Variants in PIR observed in about 807,000 individuals in gnomAD.
PIR encodes pirin.
PIR carries 22 observed loss-of-function variants against 24.2 expected under a neutral mutation model. That is an observed-to-expected ratio of 0.91 (90% confidence interval 0.65 to 1.30). PIR has a LOEUF of 1.30. Among genes scored for constraint, PIR ranks in the 50% most tolerant of loss-of-function variants. The pLI is 0.00. For missense variants in PIR, 220 were observed against 220.3 expected (o/e 1.00, Z 0.01); for synonymous variants, 80 against 79.6 (o/e 1.00, Z -0.03).
At chrX:15,490,598 T>C (rs931508463) in intron 2 of PIR, among the ~76,000 whole-genome samples, 14 of 112,004 alleles carry the variant, frequency 1.2e-4, no homozygotes, top group African/African-American at 4.6e-4. Flanking sequence ...GAAAGACATC[T>C]ACCTAATCTA....
At chrX:15,398,158 A>G (rs183087570) in intron 7 of PIR, among the ~76,000 whole-genome samples, 597 of 111,051 alleles carry the variant, frequency 5.4e-3, no homozygotes, top group South Asian at 0.014. Flanking sequence ...ATGATGAGTT[A>G]ATCGGTGCAG....
At chrX:15,418,765 T>C (rs923123156) in intron 6 of PIR, among the ~76,000 whole-genome samples, 2 of 112,229 alleles carry the variant, frequency 1.8e-5, no homozygotes, top group Non-Finnish European at 1.9e-5. Flanking sequence ...AGAAACGTTT[T>C]CAGTCTCCCT....
At chrX:15,456,109 T>C in intron 4 of PIR, 55 bp from the exon 5 acceptor site, 2 of 994,532 alleles carry the variant, frequency 2.0e-6, no homozygotes, top group Non-Finnish European at 2.8e-6. Flanking sequence ...AATAAGTCTA[T>C]AGGTGGAACA....
intron 5 of PIR, among the ~76,000 whole-genome samples, chrX:15,442,352 C>T (rs1925943876): frequency 9.0e-6 from 1 of 111,451 alleles, no homozygotes; most frequent in Non-Finnish European, 1.9e-5. Flanking sequence ...CCTAACTGGC[C>T]GTTCTCCATC....
intron 5 of PIR, among the ~76,000 whole-genome samples, chrX:15,434,787 G>C (rs1390791481): frequency 9.1e-6 from 1 of 109,951 alleles, no homozygotes; most frequent in African/African-American, 3.3e-5. Flanking sequence ...CATTTACAAG[G>C]TTTCTGACAT....
At chrX:15,451,607 T>C (rs1450024947) in intron 5 of PIR, among the ~76,000 whole-genome samples, 1 of 111,825 alleles carries the variant, frequency 8.9e-6, no homozygotes. Flanking sequence ...CCAGCATCCA[T>C]GTATATTTTA....
intron 7 of PIR, among the ~76,000 whole-genome samples, chrX:15,398,211 T>C (rs767257378): frequency 1.8e-5 from 2 of 111,399 alleles, no homozygotes; most frequent in African/African-American, 6.5e-5. Context: ...CAAACCTGCA[T>C]GTTGTGCACA....
At chrX:15,461,754 G>A (rs1921312363) in intron 3 of PIR, among the ~76,000 whole-genome samples, 1 of 112,164 alleles carries the variant, frequency 8.9e-6, no homozygotes, top group African/African-American at 3.2e-5. Context: ...TTGCACTCCA[G>A]CCTGGGCAAC....
In PIR at chrX:15,448,902, C is replaced by A. The variant is rs144853019; in HGVS notation, c.480+6946G>T. ...TGTCACATTATACTTCTGCTGTTTG[C>A]CGGTTTCTCTCCCAAGCTAGACTGT... is the stretch of plus-strand genomic sequence containing the variant. On this transcript the variant is annotated intron_variant, in intron 5 of 9. Transcript: ENST00000380420. Among the ~76,000 whole-genome samples the A allele has an allele frequency of 2.0e-3, 223 of 112,179 alleles. 1 individual carries two copies. Among genetic ancestry groups the A allele is most frequent in the Non-Finnish European group, 3.2e-3 (169 of 53,268 alleles).
intron 1 of PIR, among the ~76,000 whole-genome samples, chrX:15,492,766 C>A (rs1380926196): frequency 8.9e-6 from 1 of 111,901 alleles, no homozygotes; most frequent in Non-Finnish European, 1.9e-5. Flanking sequence ...CTCCACAATA[C>A]CCTCCACTTA....
intron 3 of PIR, among the ~76,000 whole-genome samples, chrX:15,478,014 T>C (rs922831896): frequency 5.1e-5 from 4 of 77,802 alleles, no homozygotes; most frequent in South Asian, 1.9e-3. Context: ...TATAAAGTAT[T>C]CCCCCCCCCC....
At chrX:15,398,110 G>A (rs374981665) in intron 7 of PIR, among the ~76,000 whole-genome samples, 2 of 108,531 alleles carry the variant, frequency 1.8e-5, no homozygotes, top group African/African-American at 6.6e-5. Context: ...GGTGGGGGTA[G>A]GGGGGAGGGA....
At chrX:15,451,207 TATATCCACTATTC>T (rs1259549643) in intron 5 of PIR, among the ~76,000 whole-genome samples, 2 of 110,943 alleles carry the variant, frequency 1.8e-5, no homozygotes, top group Non-Finnish European at 3.8e-5. Flanking sequence ...AGCTGATAAG[TATATCCACTATTC>T]TGGAGCTCAA....
At chrX:15,470,605 T>C (rs1405801673) in intron 3 of PIR, among the ~76,000 whole-genome samples, 1 of 100,787 alleles carries the variant, frequency 9.9e-6, no homozygotes, top group Non-Finnish European at 2.0e-5. Context: ...TCTTTCTTTT[T>C]TTTTTTTTTT....
chrX:15,436,960 C>T (rs1011585491), intron 5 of PIR, among the ~76,000 whole-genome samples: 2 of 111,936 alleles, frequency 1.8e-5, no homozygotes. Flanking sequence ...AGGCATGTGC[C>T]TGAAGGTACC....
In PIR at chrX:15,385,029, GT is replaced by G. The variant is rs1569190201; in HGVS notation, c.847del (p.Thr283ProfsTer17). 1 of 1,169,836 alleles carries G rather than the reference GT, an allele frequency of 8.5e-7. No individual in the cohort carries two copies. The highest frequency in any genetic ancestry group is 1.2e-6 in the Non-Finnish European group (1 of 858,106). On this transcript the variant is annotated frameshift_variant, in exon 10 of 10. Coordinates refer to ENST00000380420, the MANE Select transcript of PIR (RefSeq NM_001018109.3). LOFTEE classifies it high-confidence loss of function. ...CTAGTTCCCAATCTTTGATTTCCAGGTTTTGGCCCTTTCAAACCCATTTTTT... is the reference window on the plus strand; with the variant it reads ...CTAGTTCCCAATCTTTGATTTCCAGGTTTGGCCCTTTCAAACCCATTTTTT... ...NAKNGFERAK[T>X]WKSKIGN
At chrX:15,461,310 C>A (rs1921289541) in intron 3 of PIR, among the ~76,000 whole-genome samples, 1 of 112,026 alleles carries the variant, frequency 8.9e-6, no homozygotes. Context: ...ACCAAGCACA[C>A]AAACTCACTA....
chrX:15,388,674 T>C (rs1303116461), intron 9 of PIR, among the ~76,000 whole-genome samples: 1 of 112,063 alleles, frequency 8.9e-6, no homozygotes, highest in East Asian at 2.8e-4. Context: ...GGTTATTTTC[T>C]ATCCTAACAT....
rs890344122 is a variant in PIR at position 15,444,578 on chromosome X, G to A, written c.480+11270C>T. On this transcript the variant is annotated intron_variant, in intron 5 of 9. Transcript: ENST00000380420. The stretch of plus-strand genomic sequence containing the variant: ...TACATTTGACTTCCACTGAATTTTA[G>A]GCCCTCTTCAATAAACGGGTCTGCT... Among the ~76,000 whole-genome samples, 3 of 110,943 alleles carry A rather than the reference G, an allele frequency of 2.7e-5. No individual in the cohort carries two copies. The East Asian group carries it at 8.5e-4, about 31-fold the overall frequency.
Sources: allele counts gnomAD v4.1 joint callset (sites outside exome capture counted in the v4.1 genomes callset), GRCh38; gene constraint gnomAD v4.1.1; transcripts MANE v1.5; gene names NCBI Gene and HGNC (gene_info 2026-07-23, HGNC 2026-07-21).